The following UNC5B variants were observed in gnomAD, a reference collection of about 807,000 sequenced individuals.
UNC5B encodes unc-5 netrin receptor B, also known as netrin receptor UNC5B.
A neutral mutation model predicts 103.7 loss-of-function variants in UNC5B; 56 were observed. The ratio of observed to expected loss-of-function variants is 0.54; its 90% CI spans 0.44 to 0.67. The LOEUF is 0.67. Among genes scored for constraint, UNC5B ranks in the 30% least tolerant of loss-of-function variants. UNC5B has a pLI of 0.00. For synonymous variants in UNC5B, 577 were observed against 542.0 expected (o/e 1.06, Z -0.90); for missense variants, 1,194 against 1,284.5 (o/e 0.93, Z 1.08).
Position 71,301,216 on chromosome 10 carries a change from G to A in UNC5B, c.*1939G>A, listed in dbSNP as rs1156779716. 1 of 152,324 alleles carries A rather than the reference G, an allele frequency of 6.6e-6. No individual in the cohort carries two copies. Among genetic ancestry groups the A allele is most frequent in the Non-Finnish European group, 1.5e-5 (1 of 68,116 alleles). The allele number at this position is 152,324 out of a possible 1,614,324, so 9.4% of individuals were successfully genotyped here. On this transcript the variant is annotated 3_prime_UTR_variant, in exon 17 of 17. Transcript: ENST00000335350. The stretch of plus-strand genomic sequence containing the variant: ...TTGAAAGTCTGATATCCTGAGAGGA[G>A]GGCAGGTTTTAGGGCCGCAGTTCCA...
At chr10:71,255,079 C>A (rs1223145126) in intron 1 of UNC5B, among the ~76,000 whole-genome samples, 1 of 152,208 alleles carries the variant, frequency 6.6e-6, no homozygotes. Context: ...CTACACTTAA[C>A]ATTATTCCAT....
chr10:71,250,166 C>A (rs1844140227), intron 1 of UNC5B, among the ~76,000 whole-genome samples: 1 of 152,216 alleles, frequency 6.6e-6, no homozygotes, highest in Admixed American at 6.5e-5. Flanking sequence ...CCAGGTGGTG[C>A]CCCAGGCCCT....
intron 5 of UNC5B, 122 bp downstream of exon 5, chr10:71,286,991 C>A: frequency 7.4e-7 from 1 of 1,350,684 alleles, no homozygotes; most frequent in Non-Finnish European, 1.0e-6. Flanking sequence ...AGTGAATTGA[C>A]CAAGATCACA....
chr10:71,215,759 C>A (rs147538305), intron 1 of UNC5B, among the ~76,000 whole-genome samples: 39 of 151,906 alleles, frequency 2.6e-4, no homozygotes, highest in South Asian at 2.1e-4. Flanking sequence ...GATAATACTT[C>A]TTTTTAAGGT....
intron 1 of UNC5B, among the ~76,000 whole-genome samples, chr10:71,278,343 A>G (rs1465392745): frequency 6.6e-6 from 1 of 152,054 alleles, no homozygotes; most frequent in African/African-American, 2.4e-5. Flanking sequence ...AAGGTTGTCC[A>G]CCTCTTGTGC....
chr10:71,231,903 C>A (rs1010918487), intron 1 of UNC5B, among the ~76,000 whole-genome samples: 2 of 152,106 alleles, frequency 1.3e-5, no homozygotes, highest in African/African-American at 2.4e-5. Flanking sequence ...CTTTAAAAGT[C>A]CCCCAGGTGG....
intron 1 of UNC5B, among the ~76,000 whole-genome samples, chr10:71,226,080 A>AT (rs1214956638): frequency 5.3e-5 from 8 of 152,026 alleles, no homozygotes; most frequent in African/African-American, 1.9e-4. Context: ...TATTTATTTT[A>AT]TTTTTTATTT....
At chr10:71,225,130 T>C (rs1326087616) in intron 1 of UNC5B, among the ~76,000 whole-genome samples, 1 of 152,232 alleles carries the variant, frequency 6.6e-6, no homozygotes, top group Non-Finnish European at 1.5e-5. Context: ...TCTGTCTCTG[T>C]GTGATACGCA....
intron 1 of UNC5B, among the ~76,000 whole-genome samples, chr10:71,242,695 T>A (rs1264291353): frequency 7.2e-5 from 11 of 152,216 alleles, no homozygotes; most frequent in Non-Finnish European, 1.3e-4. Context: ...GAGTGCCCAG[T>A]GCCCTCTCCT....
chr10:71,241,602 G>T (rs1202724367), intron 1 of UNC5B, among the ~76,000 whole-genome samples: 1 of 152,108 alleles, frequency 6.6e-6, no homozygotes, highest in Non-Finnish European at 1.5e-5. Context: ...GTCCCTGGGA[G>T]GCTGAGCTGT....
intron 1 of UNC5B, among the ~76,000 whole-genome samples, chr10:71,250,393 G>A (rs536074832): frequency 6.6e-6 from 1 of 152,218 alleles, no homozygotes; most frequent in African/African-American, 2.4e-5. Context: ...GTCTGGCCTG[G>A]CTTGGGTGTG....
intron 4 of UNC5B, among the ~76,000 whole-genome samples, chr10:71,286,452 A>G (rs983612491): frequency 2.8e-4 from 43 of 152,140 alleles, no homozygotes; most frequent in Admixed American, 2.2e-3. Flanking sequence ...GTGCTATTCA[A>G]TTCCATCTTG....
chr10:71,224,364 G>GGC (rs1843515298), intron 1 of UNC5B, among the ~76,000 whole-genome samples: 1 of 97,278 alleles, frequency 1.0e-5, no homozygotes, highest in Non-Finnish European at 2.2e-5. Context: ...TCTGTATGTA[G>GGC]ACACACACAC....
chr10:71,240,677 C>G (rs547150989), intron 1 of UNC5B, among the ~76,000 whole-genome samples: 3 of 152,388 alleles, frequency 2.0e-5, no homozygotes, highest in South Asian at 2.1e-4. Flanking sequence ...CCTCCTCCCC[C>G]ACTGTCGCTC....
At chr10:71,255,052 A>T (rs560524700) in intron 1 of UNC5B, among the ~76,000 whole-genome samples, 1 of 152,114 alleles carries the variant, frequency 6.6e-6, no homozygotes. Context: ...TACAGGTTTC[A>T]TTTCATGCTC....
intron 3 of UNC5B, 34 bp from the exon 4 acceptor site, chr10:71,285,292 C>G (rs1171362517): frequency 2.5e-6 from 4 of 1,579,526 alleles, no homozygotes; most frequent in Non-Finnish European, 3.4e-6. Context: ...CCTGCCCGCA[C>G]CTGACTGCCT....
chr10:71,247,311 G>A (rs1235575680), intron 1 of UNC5B, among the ~76,000 whole-genome samples: 24 of 152,212 alleles, frequency 1.6e-4, no homozygotes, highest in Admixed American at 1.6e-3. Context: ...AGAACATCAG[G>A]GAAGGCTCCC....
intron 1 of UNC5B, among the ~76,000 whole-genome samples, chr10:71,232,477 C>T (rs1203022465): frequency 6.6e-6 from 1 of 152,278 alleles, no homozygotes; most frequent in East Asian, 1.9e-4. Flanking sequence ...CAGCCCCAGC[C>T]CTGGCAGTGC....
At chr10:71,290,134 G>A (rs1443618120) in intron 8 of UNC5B, among the ~76,000 whole-genome samples, 8 of 152,316 alleles carry the variant, frequency 5.3e-5, no homozygotes, top group South Asian at 4.1e-4. Flanking sequence ...GTTCCTCAGC[G>A]GTACTGGCTA....
Sources: gnomAD v4.1 joint callset for allele counts (sites outside exome capture counted in the v4.1 genomes callset) on GRCh38, gnomAD v4.1.1 for gene constraint, MANE v1.5 for transcripts, NCBI Gene and HGNC (gene_info 2026-07-23, HGNC 2026-07-21) for gene names.